The following TSPAN9 variants were observed in gnomAD, a reference collection of about 807,000 sequenced individuals.
The protein encoded by TSPAN9 is tetraspanin 9.
In TSPAN9, 16 loss-of-function variants were observed where a neutral mutation model predicts 31.0. That is an observed-to-expected ratio of 0.52 (90% CI 0.35 to 0.78). TSPAN9 has a LOEUF of 0.78. TSPAN9 is among the 30% of genes least tolerant of loss of function. The pLI, the probability that TSPAN9 is intolerant of heterozygous loss-of-function variation, is 0.01. For synonymous variants in TSPAN9, 145 were observed against 121.6 expected (o/e 1.19, Z -1.27); for missense variants, 272 against 312.5 (o/e 0.87, Z 0.98).
At position 3,201,273 on chromosome 12, in the gene TSPAN9, C is replaced by T. The variant is rs740776; in HGVS notation, c.63+17C>T. The T allele has an allele frequency of 0.61, 982,746 of 1,611,026 alleles. 304,921 individuals are homozygous for T. Among genetic ancestry groups the T allele is most frequent in the East Asian group, 0.65 (29,085 of 44,836 alleles). On this transcript the variant is annotated intron_variant, in intron 3 of 8. Coordinates refer to ENST00000011898, the MANE Select transcript of TSPAN9 (RefSeq NM_006675.5). ...ATATTCTGGGTAAGTCCTTCCGTTT[C>T]TCTCTCCCTTCGCCCTCTTCTCCTC...
chr12:3,221,352 A>ATTTTTTTTTTTTTTTTTTTTT (rs200531623), intron 3 of TSPAN9, among the ~76,000 whole-genome samples: 2 of 131,646 alleles, frequency 1.5e-5, no homozygotes. Context: ...TATTTAAAAT[A>ATTTTTTTTTTTTTTTTTTTTT]TTTTTCTCTT....
intron 5 of TSPAN9, among the ~76,000 whole-genome samples, chr12:3,279,858 T>C (rs1862862233): frequency 6.6e-6 from 1 of 152,222 alleles, no homozygotes; most frequent in African/African-American, 2.4e-5. Flanking sequence ...TTTATGAGAA[T>C]TGTTTCCCTT....
chr12:3,231,936 C>T (rs1451191782), intron 3 of TSPAN9, among the ~76,000 whole-genome samples: 1 of 152,244 alleles, frequency 6.6e-6, no homozygotes, highest in Non-Finnish European at 1.5e-5. Context: ...AGGGCAGCGT[C>T]TCCCCTCTCC....
intron 3 of TSPAN9, among the ~76,000 whole-genome samples, chr12:3,208,654 G>A (rs78985982): frequency 0.014 from 2,096 of 152,274 alleles, 59 homozygotes; most frequent in African/African-American, 0.048. Flanking sequence ...CAGAAACACC[G>A]TCACCCAAAA....
intron 3 of TSPAN9, among the ~76,000 whole-genome samples, chr12:3,254,103 T>C (rs111248780): frequency 2.0e-5 from 3 of 152,292 alleles, no homozygotes; most frequent in South Asian, 2.1e-4. Flanking sequence ...AATGTAATGA[T>C]GCATCCGGAG....
At chr12:3,193,267 T>G (rs1472171460) in intron 2 of TSPAN9, among the ~76,000 whole-genome samples, 2 of 152,190 alleles carry the variant, frequency 1.3e-5, no homozygotes, top group Non-Finnish European at 2.9e-5. Context: ...TGACCCACAG[T>G]AACCAGGGCA....
intron 2 of TSPAN9, among the ~76,000 whole-genome samples, chr12:3,161,664 TTTGTGTTGATATTGTACAATTC>T (rs934111643): frequency 3.3e-5 from 5 of 152,062 alleles, no homozygotes; most frequent in Non-Finnish European, 7.4e-5. Context: ...TTCTCAGCCT[TTTGTGTTGATATTGTACAATTC>T]TGTGTGTGTG....
chr12:3,280,272 C>T lies in TSPAN9; in HGVS notation c.331-110C>T, dbSNP rs917847980. The T allele has an allele frequency of 5.1e-6, 5 of 972,136 alleles. No individual in the cohort carries two copies. In the East Asian group the frequency reaches 1.0e-4, roughly 20 times the overall value. 60.2% of individuals were successfully genotyped at this position (972,136 alleles called of 1,614,324 possible). ...CCTTCCAGACCAGCTGCCTTCCCTG[C>T]CTTCCTCACTCCTCATCTGTCACCC... On this transcript the variant is annotated intron_variant, in intron 5 of 8. Coordinates refer to ENST00000011898, the MANE Select transcript of TSPAN9 (RefSeq NM_006675.5). This position sits in a 1 kb window ranked among gnomAD's most constrained non-coding sequence, Gnocchi z 4.5.
chr12:3,214,760 A>G (rs1176190195), intron 3 of TSPAN9, among the ~76,000 whole-genome samples: 2 of 151,976 alleles, frequency 1.3e-5, no homozygotes, highest in Non-Finnish European at 2.9e-5. Flanking sequence ...GCTGGGGAGA[A>G]GCTCTGCACC....
At chr12:3,137,556 C>G (rs899938929) in intron 2 of TSPAN9, among the ~76,000 whole-genome samples, 2 of 152,188 alleles carry the variant, frequency 1.3e-5, no homozygotes, top group African/African-American at 4.8e-5. Flanking sequence ...AGTGCTACCC[C>G]CTGGGTTGCA....
chr12:3,135,867 C>T (rs927364120), intron 2 of TSPAN9, among the ~76,000 whole-genome samples: 1 of 152,230 alleles, frequency 6.6e-6, no homozygotes, highest in Non-Finnish European at 1.5e-5. Context: ...TGAGAAGCGG[C>T]TGTCTCAGCT....
At chr12:3,096,242 G>T (rs1402940558) in intron 2 of TSPAN9, among the ~76,000 whole-genome samples, 1 of 152,216 alleles carries the variant, frequency 6.6e-6, no homozygotes, top group Non-Finnish European at 1.5e-5. Flanking sequence ...GTGCTGTAGG[G>T]ACTGGTCTGT....
At position 3,191,981 on chromosome 12, in the gene TSPAN9, G is replaced by A. The variant is rs902039668; in HGVS notation, c.-17-9196G>A. On this transcript the variant is annotated intron_variant, in intron 2 of 8. Coordinates refer to ENST00000011898, the MANE Select transcript of TSPAN9 (RefSeq NM_006675.5). ...TTCAATAATTCACAAGAGCTCAGGGGTGAGTAGAGTGAAGCCAGGCAGTGG... is the reference window on the plus strand; with the variant it reads ...TTCAATAATTCACAAGAGCTCAGGGATGAGTAGAGTGAAGCCAGGCAGTGG... Among the ~76,000 whole-genome samples the A allele has an allele frequency of 1.4e-4, 21 of 152,178 alleles. 1 individual carries two copies. The highest frequency in any genetic ancestry group is 1.2e-3 in the Admixed American group (18 of 15,284).
intron 3 of TSPAN9, among the ~76,000 whole-genome samples, chr12:3,261,807 T>C (rs961076699): frequency 2.6e-5 from 4 of 152,364 alleles, no homozygotes; most frequent in Non-Finnish European, 2.9e-5. Flanking sequence ...CCGTCCTGCA[T>C]GTCCAGTGTC....
chr12:3,258,988 C>T (rs950518306), intron 3 of TSPAN9, among the ~76,000 whole-genome samples: 3 of 152,100 alleles, frequency 2.0e-5, no homozygotes, highest in African/African-American at 7.2e-5. Flanking sequence ...AGAGGTTGGG[C>T]TGATTTAATT....
intron 2 of TSPAN9, among the ~76,000 whole-genome samples, chr12:3,139,982 A>G (rs1444868166): frequency 6.6e-6 from 1 of 152,200 alleles, no homozygotes; most frequent in African/African-American, 2.4e-5. Context: ...GTCCCTGGGC[A>G]GATCCACTCT....
chr12:3,079,674 C>A (rs1250966721), intron 1 of TSPAN9, among the ~76,000 whole-genome samples: 1 of 152,010 alleles, frequency 6.6e-6, no homozygotes, highest in Non-Finnish European at 1.5e-5. Flanking sequence ...GTTGGCCAGA[C>A]TGGTCTCAAA....
intron 3 of TSPAN9, among the ~76,000 whole-genome samples, chr12:3,265,149 C>A (rs1216994107): frequency 6.6e-6 from 1 of 152,216 alleles, no homozygotes; most frequent in Non-Finnish European, 1.5e-5. Flanking sequence ...AACTAACTGG[C>A]TGGAGGATCC....
At chr12:3,239,424 G>A (rs1056129337) in intron 3 of TSPAN9, among the ~76,000 whole-genome samples, 2 of 152,140 alleles carry the variant, frequency 1.3e-5, no homozygotes, top group East Asian at 3.9e-4. Flanking sequence ...TCCCCTCTTG[G>A]TCTTAACTTT....
Sources: allele counts gnomAD v4.1 joint callset (sites outside exome capture counted in the v4.1 genomes callset), GRCh38; gene constraint gnomAD v4.1.1; non-coding constraint Gnocchi (gnomAD v3.1); transcripts MANE v1.5; gene names NCBI Gene and HGNC (gene_info 2026-07-23, HGNC 2026-07-21).